CHDH: variants seen among roughly 807,000 people sequenced by gnomAD.
CHDH encodes choline dehydrogenase, mitochondrial.
Under a neutral mutation model 56.9 loss-of-function variants are expected in CHDH, and 43 were observed. The observed-to-expected ratio is 0.76, with a 90% confidence interval of 0.59 to 0.97. CHDH has a LOEUF of 0.97. Among genes scored for constraint, CHDH ranks in the 50% least tolerant of loss-of-function variants. CHDH has a pLI of 0.00. For synonymous variants in CHDH, 364 were observed against 348.5 expected, an observed-to-expected ratio of 1.04 and a Z score of -0.50; for missense variants, 816 against 821.1, an observed-to-expected ratio of 0.99 and a Z score of 0.08.
intron 2 of CHDH, among the ~76,000 whole-genome samples, chr3:53,837,499 G>C (rs148510098): frequency 6.6e-6 from 1 of 152,246 alleles, no homozygotes; most frequent in African/African-American, 2.4e-5. Context: ...GCTCTGCCAG[G>C]CCGCACCGTG....
rs2095630091 is a variant in CHDH, at chr3:53,822,759, C to T, written c.704-117G>A. 2.3e-6 allele frequency: 3 copies of T among 1,302,222 alleles called. No homozygotes were observed. In the South Asian group the frequency reaches 4.3e-5, roughly 19 times the overall value. 80.7% of individuals were successfully genotyped at this position (1,302,222 alleles called of 1,614,324 possible). A position where few individuals can be genotyped will look rare whatever the true frequency, so the allele number is the denominator to read the frequency against. Reference sequence around the variant, plus strand: ...GCCCAGCTCTGACTGCAAGTCCCGCCTTCAAAGTAAAGCTGAGACGGAAAG... The same window carrying T: ...GCCCAGCTCTGACTGCAAGTCCCGCTTTCAAAGTAAAGCTGAGACGGAAAG... On this transcript the variant is annotated intron_variant, in intron 3 of 8. Coordinates refer to ENST00000315251, the MANE Select transcript of CHDH (RefSeq NM_018397.5).
At chr3:53,825,397 C>CAGAT (rs1189329532) in intron 2 of CHDH, among the ~76,000 whole-genome samples, 6 of 151,634 alleles carry the variant, frequency 4.0e-5, no homozygotes, top group South Asian at 2.1e-4. Flanking sequence ...AAAAGGTGGA[C>CAGAT]AGATAGGAAA....
At chr3:53,824,583 A>G (rs2095635564) in intron 2 of CHDH, among the ~76,000 whole-genome samples, 1 of 152,196 alleles carries the variant, frequency 6.6e-6, no homozygotes, top group Non-Finnish European at 1.5e-5. Flanking sequence ...TCAGCATGAG[A>G]GGCACGAGAC....
intron 3 of CHDH, 29 bp from the exon 4 acceptor site, chr3:53,822,671 T>A (rs763805336): frequency 1.3e-6 from 2 of 1,595,476 alleles, no homozygotes; most frequent in South Asian, 1.1e-5. Context: ...TGGTCAGGCA[T>A]GGCTCCGCCC....
intron 3 of CHDH, 52 bp from the exon 4 acceptor site, chr3:53,822,694 T>G: frequency 6.3e-7 from 1 of 1,575,836 alleles, no homozygotes; most frequent in African/African-American, 1.3e-5. Context: ...CCCTGGCACC[T>G]GGGCAGGAGG....
rs932158446 is a variant in CHDH at position 53,820,595 on chromosome 3, G to A, written c.999C>T (p.Asn333=). The change falls in exon 6 of 9, where the codon AAC becomes AAT. Residue 333 remains asparagine, a synonymous_variant. Coordinates refer to ENST00000315251, the MANE Select transcript of CHDH (RefSeq NM_018397.5). ...VVCHLPGVGQ[N]LQDHLEIYIQ... is the part of the protein sequence containing the mutation. ...TGTAGATCTCCAGGTGGTCTTGCAG[G>A]TTCTGGCCAACCCCTGATACGGGAA... 6.2e-7 allele frequency: 1 copy of A among 1,608,902 alleles called. No individual in the cohort carries two copies. The highest frequency in any genetic ancestry group is 8.5e-7 in the Non-Finnish European group (1 of 1,177,796).
chr3:53,821,580 G>A (rs947894597), intron 5 of CHDH, 67 bp downstream of exon 5: 12 of 1,407,700 alleles, frequency 8.5e-6, no homozygotes, highest in Non-Finnish European at 1.2e-5. Context: ...ATGCTAATAA[G>A]ATACATACAC....
intron 1 of CHDH, chr3:53,844,914 T>A (rs1222258899): frequency 6.6e-6 from 1 of 152,390 alleles, no homozygotes; most frequent in African/African-American, 2.4e-5. Flanking sequence ...TCATCTGGGC[T>A]TCCGCAGCAA....
intron 2 of CHDH, among the ~76,000 whole-genome samples, chr3:53,840,105 G>T (rs9881815): frequency 0.073 from 11,170 of 152,178 alleles, 786 homozygotes; most frequent in East Asian, 0.26. Context: ...TTAGATAGAA[G>T]AATTATCTAA....
rs909881813 is a variant in CHDH, at chr3:53,823,585, C to T, written c.424G>A (p.Gly142Arg). 1.9e-6 allele frequency: 3 copies of T among 1,543,686 alleles called. No homozygotes were observed. Among genetic ancestry groups the T allele is most frequent in the Non-Finnish European group, 2.6e-6 (3 of 1,146,334 alleles). Residue 142 changes from glycine to arginine, a missense_variant, in exon 3 of 9, where the codon GGG becomes AGG. By Grantham distance (125) the Gly-to-Arg change is moderately radical. Transcript: ENST00000315251. ...CAGCGCTCGTAGTCCTCGGCGTGCC[C>T]ACGGACGTAGACCATGGCATTGAGG... ...SSLNAMVYVR[G>R]HAEDYERWQR...
chr3:53,824,045 G>A lies in CHDH; in HGVS notation c.-37C>T, dbSNP rs946438923. The A allele has an allele frequency of 1.0e-5, 14 of 1,400,702 alleles. No homozygotes were observed. Among genetic ancestry groups the A allele is most frequent in the East Asian group, 2.7e-5 (1 of 36,714 alleles). 86.8% of individuals were successfully genotyped at this position (1,400,702 alleles called of 1,614,324 possible). On this transcript the variant is annotated 5_prime_UTR_variant, in exon 3 of 9. Coordinates refer to ENST00000315251, the MANE Select transcript of CHDH (RefSeq NM_018397.5). The stretch of plus-strand genomic sequence containing the variant: ...GTCCAAGTCCTCTGATCCACGGAGG[G>A]GAATGAGATGACTCACTTCTCCCTA...
In CHDH at chr3:53,818,063, G is replaced by C. The variant is rs200022373; in HGVS notation, c.1499C>G (p.Ala500Gly). 145 of 1,614,200 alleles carry C rather than the reference G, an allele frequency of 9.0e-5. 1 individual carries two copies. In the South Asian group the frequency reaches 1.5e-3, roughly 17 times the overall value. Residue 500 changes from alanine to glycine, a missense_variant, in exon 9 of 9, where the codon GCC (alanine) becomes GGC (glycine). By Grantham distance (60) the Ala-to-Gly change is moderately conservative (BLOSUM62 0). Coordinates refer to ENST00000315251, the MANE Select transcript of CHDH (RefSeq NM_018397.5). ...GCTGTCGGCTTTTGCCCGCACAAAG[G>C]CATCTATCTCTTTATCTGACTGAAT... ...SHIQSDKEID[A>G]FVRAKADSAY...
chr3:53,828,130 A>G (rs1241287906), intron 2 of CHDH, among the ~76,000 whole-genome samples: 1 of 151,684 alleles, frequency 6.6e-6, no homozygotes, highest in African/African-American at 2.4e-5. Context: ...AGAGCAAGAA[A>G]GTCTTTTCAA....
intron 1 of CHDH, among the ~76,000 whole-genome samples, chr3:53,843,150 AC>A (rs1262164726): frequency 1.4e-5 from 2 of 147,872 alleles, no homozygotes; most frequent in African/African-American, 5.0e-5. Context: ...TCTGGGGATT[AC>A]CGTGACTCTT....
chr3:53,818,245 C>A, intron 8 of CHDH, 50 bp from the exon 9 acceptor site: 1 of 1,495,804 alleles, frequency 6.7e-7, no homozygotes, highest in Non-Finnish European at 8.9e-7. Context: ...CCCGTGCTGG[C>A]CTCACTGGAA....
chr3:53,834,299 T>G (rs4687749), intron 2 of CHDH, among the ~76,000 whole-genome samples: 1 of 151,892 alleles, frequency 6.6e-6, no homozygotes, highest in African/African-American at 2.4e-5. Flanking sequence ...TACAAAAAAA[T>G]TAGCCAGGCA....
chr3:53,816,131 A>ACCCCC lies in CHDH; in HGVS notation c.*1645_*1646insGGGGG, dbSNP rs202031062. 6 of 86,998 alleles carry ACCCCC rather than the reference A, an allele frequency of 6.9e-5. No homozygotes were observed. Among genetic ancestry groups the ACCCCC allele is most frequent in the African/African-American group, 4.2e-4 (6 of 14,310 alleles). 5.4% of individuals were successfully genotyped at this position (86,998 alleles called of 1,614,324 possible). ...CAGAAAACTAACTTGTGGCTGTCGG[A>ACCCCC]CGCCCCCCCCCCCCGCCCCAGTCTG... is the stretch of plus-strand genomic sequence containing the variant. On this transcript the variant is annotated 3_prime_UTR_variant, in exon 9 of 9. Coordinates refer to ENST00000315251, the MANE Select transcript of CHDH (RefSeq NM_018397.5).
chr3:53,814,980 C>T lies in CHDH; in HGVS notation c.*2797G>A, dbSNP rs987117053. The T allele has an allele frequency of 6.6e-6, 1 of 152,106 alleles. No individual in the cohort carries two copies. The highest frequency in any genetic ancestry group is 1.5e-5 in the Non-Finnish European group (1 of 68,044). 9.4% of individuals were successfully genotyped at this position (152,106 alleles called of 1,614,324 possible). On this transcript the variant is annotated 3_prime_UTR_variant, in exon 9 of 9. Transcript: ENST00000315251. ...TAGCCAAGAAGAATCTATTTGAATT[C>T]GTGGAGATGATGCCTGCAACCTTCG...
intron 2 of CHDH, among the ~76,000 whole-genome samples, chr3:53,832,671 T>C (rs928689796): frequency 6.6e-6 from 1 of 152,208 alleles, no homozygotes; most frequent in Non-Finnish European, 1.5e-5. Context: ...TTGAAAGCAT[T>C]ATGCTAAGTG....
Sources: gnomAD v4.1 joint callset for allele counts (sites outside exome capture counted in the v4.1 genomes callset) on GRCh38, gnomAD v4.1.1 for gene constraint, MANE v1.5 for transcripts, NCBI Gene and HGNC (gene_info 2026-07-23, HGNC 2026-07-21) for gene names.